The following STOML3 variants were observed in gnomAD, a reference collection of about 807,000 sequenced individuals.
STOML3 encodes the protein stomatin-like protein 3.
A neutral mutation model predicts 29.5 loss-of-function variants in STOML3; 31 were observed. The observed-to-expected ratio is 1.05, with a 90% CI of 0.79 to 1.42. The LOEUF (loss-of-function observed/expected upper bound fraction) is 1.42. STOML3 is among the 40% of genes most tolerant of loss of function. The pLI is 0.00. For synonymous variants in STOML3, 122 were observed against 139.8 expected, an observed-to-expected ratio of 0.87 and a Z score of 0.90; for missense variants, 380 against 363.0, an observed-to-expected ratio of 1.05 and a Z score of -0.38.
At chr13:38,970,549 C>T (rs1290387388) in intron 4 of STOML3, among the ~76,000 whole-genome samples, 161 bp from the exon 5 acceptor site, 1 of 152,170 alleles carries the variant, frequency 6.6e-6, no homozygotes, top group Non-Finnish European at 1.5e-5. Context: ...GAATATCTTC[C>T]CAGCTGATAC....
intron 3 of STOML3, 23 bp from the exon 4 acceptor site, chr13:38,972,617 A>C: frequency 6.2e-7 from 1 of 1,609,152 alleles, no homozygotes; most frequent in South Asian, 1.1e-5. Flanking sequence ...AAATCAGTTT[A>C]AAATGTTGCT....
At chr13:38,967,346 G>A (rs1880694760) in intron 6 of STOML3, among the ~76,000 whole-genome samples, 1 of 152,090 alleles carries the variant, frequency 6.6e-6, no homozygotes, top group African/African-American at 2.4e-5. Context: ...CCCTAATAAT[G>A]CCTGGAAGCA....
chr13:38,967,571 C>A (rs1470210756), intron 6 of STOML3, among the ~76,000 whole-genome samples: 1 of 152,168 alleles, frequency 6.6e-6, no homozygotes, highest in Non-Finnish European at 1.5e-5. Context: ...CACTGGCAAT[C>A]TCTTAAGTAC....
intron 4 of STOML3, among the ~76,000 whole-genome samples, chr13:38,970,793 T>C (rs1880835591): frequency 6.6e-6 from 1 of 152,148 alleles, no homozygotes; most frequent in Non-Finnish European, 1.5e-5. Flanking sequence ...TTATCAGACT[T>C]GAAGCAGTGA....
chr13:38,988,165 A>G (rs193016441), intron 1 of STOML3, among the ~76,000 whole-genome samples: 2 of 70,526 alleles, frequency 2.8e-5, no homozygotes, highest in South Asian at 5.0e-4. Flanking sequence ...TATTTTATAT[A>G]TAATATATTA....
intron 1 of STOML3, among the ~76,000 whole-genome samples, chr13:38,980,854 G>A (rs925992481): frequency 2.0e-5 from 3 of 152,032 alleles, no homozygotes; most frequent in Non-Finnish European, 2.9e-5. Flanking sequence ...AGAATCCCTC[G>A]GGCAGTTACA....
chr13:38,973,533 G>A (rs1161698315), intron 3 of STOML3, among the ~76,000 whole-genome samples: 1 of 152,138 alleles, frequency 6.6e-6, no homozygotes, highest in Non-Finnish European at 1.5e-5. Context: ...ACAGCTCCCT[G>A]AGACTTCCTT....
At chr13:38,976,145 A>G (rs1328728301) in intron 3 of STOML3, among the ~76,000 whole-genome samples, 2 of 152,150 alleles carry the variant, frequency 1.3e-5, no homozygotes, top group Non-Finnish European at 2.9e-5. Flanking sequence ...AGTGAGCATC[A>G]AACACCAGCT....
chr13:38,982,483 C>T (rs957480015), intron 1 of STOML3, among the ~76,000 whole-genome samples: 2 of 152,042 alleles, frequency 1.3e-5, no homozygotes, highest in African/African-American at 4.8e-5. Flanking sequence ...GGAATATAAA[C>T]ATCAAAGAAA....
At chr13:38,968,318 C>A (rs1880729858) in intron 6 of STOML3, 82 bp downstream of exon 6, 2 of 1,524,938 alleles carry the variant, frequency 1.3e-6, no homozygotes, top group Non-Finnish European at 1.8e-6. Flanking sequence ...ATTGACAGAC[C>A]CAATCTTCTG....
chr13:38,970,271 C>A lies in STOML3; in HGVS notation c.430G>T (p.Ala144Ser). The A allele has an allele frequency of 6.2e-7, 1 of 1,614,146 alleles. No individual in the cohort carries two copies. The highest frequency in any genetic ancestry group is 1.1e-5 in the South Asian group (1 of 91,088). ...AAGACATTTCTCAGAGTGGTTTGAG[C>A]CAGCAGAAATGTTGCTTGATGGACA... Reference protein sequence around the residue: ...NDVHQATFLLAQTTLRNVLGT... With the variant: ...NDVHQATFLLSQTTLRNVLGT... The change falls in exon 5 of 7, where the codon GCT becomes TCT. Residue 144 changes from alanine (A) to serine (S), a missense_variant. Coordinates refer to ENST00000379631, the MANE Select transcript of STOML3 (RefSeq NM_145286.3).
intron 1 of STOML3, among the ~76,000 whole-genome samples, chr13:38,986,227 G>T (rs1868543118): frequency 6.6e-6 from 1 of 151,382 alleles, no homozygotes; most frequent in African/African-American, 2.4e-5. Context: ...TAGAAACAAG[G>T]TTTCACCATG....
Position 38,966,970 on chromosome 13 carries a change from G to A in STOML3, c.731C>T (p.Ala244Val), listed in dbSNP as rs534373869. The change falls in exon 7 of 7, where the codon GCT becomes GTT. Residue 244 changes from alanine (A) to valine (V), a missense_variant. Physicochemically the swap from Ala to Val is moderately conservative, Grantham distance 64 (BLOSUM62 0). Transcript: ENST00000379631. ...GGTCTGCAGGTAGCGCAGCTGGAGAGCTATGGGAGACTCAGCCAGCACCAT... is the reference window on the plus strand; with the variant it reads ...GGTCTGCAGGTAGCGCAGCTGGAGAACTATGGGAGACTCAGCCAGCACCAT... ...ASMVLAESPIALQLRYLQTLS... is the reference protein window; with the variant it reads ...ASMVLAESPIVLQLRYLQTLS... The A allele has an allele frequency of 6.2e-6, 10 of 1,614,116 alleles. No individual in the cohort carries two copies. Among genetic ancestry groups the A allele is most frequent in the Non-Finnish European group, 8.5e-6 (10 of 1,180,040 alleles).
intron 1 of STOML3, among the ~76,000 whole-genome samples, chr13:38,984,018 A>AT (rs1868402342): frequency 1.3e-5 from 2 of 152,122 alleles, no homozygotes; most frequent in South Asian, 2.1e-4. Context: ...CCCTGGAGGC[A>AT]TCCCCCCCCA....
intron 1 of STOML3, among the ~76,000 whole-genome samples, chr13:38,979,287 AATTTT>A (rs1881193864): frequency 6.6e-6 from 1 of 152,188 alleles, no homozygotes; most frequent in Non-Finnish European, 1.5e-5. Context: ...ATCTTTGTCA[AATTTT>A]ATTAGTGCTT....
chr13:38,977,585 T>G (rs1265091794), intron 1 of STOML3, among the ~76,000 whole-genome samples: 1 of 152,158 alleles, frequency 6.6e-6, no homozygotes, highest in Non-Finnish European at 1.5e-5. Flanking sequence ...TGTTGGCTCA[T>G]CACATAAGAT....
At chr13:38,972,845 T>C (rs1228984633) in intron 3 of STOML3, among the ~76,000 whole-genome samples, 2 of 152,190 alleles carry the variant, frequency 1.3e-5, no homozygotes, top group Non-Finnish European at 2.9e-5. Flanking sequence ...TGGTTTTTAT[T>C]TTTAAAACAA....
At position 38,966,979 on chromosome 13, in the gene STOML3, G is replaced by A. The variant is rs1412363353; in HGVS notation, c.722C>T (p.Ser241Phe). 1.9e-6 allele frequency: 3 copies of A among 1,613,978 alleles called. No homozygotes were observed. In the African/African-American group the frequency reaches 4.0e-5, roughly 22 times the overall value. ...GTAGCGCAGCTGGAGAGCTATGGGA[G>A]ACTCAGCCAGCACCATGGAGGCTGA... ...LKSASMVLAE[S>F]PIALQLRYLQ... The change falls in exon 7 of 7, where the codon TCT (serine) becomes TTT (phenylalanine). Residue 241 changes from serine (S) to phenylalanine (F), a missense_variant. Physicochemically the swap from Ser to Phe is radical, Grantham distance 155. Coordinates refer to ENST00000379631, the MANE Select transcript of STOML3 (RefSeq NM_145286.3).
intron 4 of STOML3, among the ~76,000 whole-genome samples, chr13:38,971,491 G>A (rs907744520): frequency 2.0e-5 from 3 of 152,064 alleles, no homozygotes; most frequent in African/African-American, 4.8e-5. Flanking sequence ...CTCCCATATC[G>A]TAGGTCCTGA....
Sources: allele counts gnomAD v4.1 joint callset (sites outside exome capture counted in the v4.1 genomes callset), GRCh38; gene constraint gnomAD v4.1.1; transcripts MANE v1.5; gene names NCBI Gene and HGNC (gene_info 2026-07-23, HGNC 2026-07-21).